The following ATG4A variants were observed in gnomAD, a reference collection of about 807,000 sequenced individuals.
The protein encoded by ATG4A is autophagy related 4A cysteine peptidase.
In ATG4A, 22 loss-of-function variants were observed where a neutral mutation model predicts 38.4. The observed-to-expected ratio is 0.57, with a 90% confidence interval of 0.41 to 0.82. The LOEUF (loss-of-function observed/expected upper bound fraction) is 0.82. Ranked by LOEUF, ATG4A falls within the 40% of genes least tolerant of loss-of-function variation. The pLI is 0.00. For missense variants in ATG4A, 220 were observed against 290.0 expected (o/e 0.76, Z 1.75); for synonymous variants, 86 against 100.7 (o/e 0.85, Z 0.88).
At chrX:108,114,713 G>A (rs890068281) in intron 1 of ATG4A, among the ~76,000 whole-genome samples, 1 of 111,820 alleles carries the variant, frequency 8.9e-6, no homozygotes, top group Non-Finnish European at 1.9e-5. Flanking sequence ...TCCCTAGTTA[G>A]AGGTTAGTTG....
intron 1 of ATG4A, among the ~76,000 whole-genome samples, chrX:108,112,540 C>G (rs2032389333): frequency 9.1e-6 from 1 of 109,894 alleles, no homozygotes. Flanking sequence ...TACAGGCGCC[C>G]GGCACTACGC....
chrX:108,088,880 TG>T, upstream of ATG4A: 1 of 1,072,576 alleles, frequency 9.3e-7, no homozygotes, highest in African/African-American at 2.0e-5. Context: ...GAAACATTCT[TG>T]AAATAGAAGG....
chrX:108,111,013 C>T lies in ATG4A; in HGVS notation c.11-15064C>T, dbSNP rs770549391. 4.5e-5 allele frequency among the ~76,000 whole-genome samples: 5 copies of T among 111,344 alleles called. No homozygotes were observed. In the South Asian group the frequency reaches 1.9e-3, roughly 43 times the overall value. On this transcript the variant is annotated intron_variant, in intron 1 of 12. Coordinates refer to ENST00000372232, the MANE Select transcript of ATG4A (RefSeq NM_052936.5). Reference sequence around the variant, plus strand: ...TACCCTTCCAGGCTCAAGTGATCCTCTCATTTCAGCCTCCCGAGTAGCTTG... The same window carrying T: ...TACCCTTCCAGGCTCAAGTGATCCTTTCATTTCAGCCTCCCGAGTAGCTTG...
At chrX:108,141,151 G>C (rs763307572) in intron 9 of ATG4A, among the ~76,000 whole-genome samples, 30 of 91,943 alleles carry the variant, frequency 3.3e-4, no homozygotes, top group African/African-American at 1.2e-3. Flanking sequence ...GTGTTGGTCT[G>C]TGCTGCTGGC....
intron 9 of ATG4A, chrX:108,143,618 A>C (rs1234716553): frequency 6.4e-6 from 1 of 156,462 alleles, no homozygotes; most frequent in African/African-American, 3.2e-5. Flanking sequence ...AGAGGAGCCC[A>C]AAGTGTCCAG....
intron 1 of ATG4A, among the ~76,000 whole-genome samples, chrX:108,098,851 C>T (rs752317859): frequency 2.6e-3 from 290 of 111,473 alleles, no homozygotes; most frequent in African/African-American, 3.5e-3. Flanking sequence ...AAATATTACA[C>T]GACATGGAGG....
At chrX:108,140,431 A>G (rs945204145) in intron 9 of ATG4A, among the ~76,000 whole-genome samples, 4 of 109,830 alleles carry the variant, frequency 3.6e-5, no homozygotes, top group Non-Finnish European at 7.6e-5. Context: ...TTTGAGGTTG[A>G]GTGGTCCAGA....
Position 108,135,970 on chromosome X carries a change from G to C in ATG4A, c.468-1121G>C, listed in dbSNP as rs149660323. 7.4e-3 allele frequency among the ~76,000 whole-genome samples: 809 copies of C among 109,594 alleles called. 5 individuals are homozygous for C. The highest frequency in any genetic ancestry group is 0.025 in the African/African-American group (744 of 30,052). ...AGCTAATTTTTGTATTTTTAGTAGA[G>C]ATGGAGTTTCACCATGTTAGCCAGG... On this transcript the variant is annotated intron_variant, in intron 6 of 12. Coordinates refer to ENST00000372232, the MANE Select transcript of ATG4A (RefSeq NM_052936.5).
In ATG4A at chrX:108,091,809, C is replaced by T. The variant is rs1434574647; in HGVS notation, c.-18C>T. On this transcript the variant is annotated 5_prime_UTR_variant, in exon 1 of 13. Coordinates refer to ENST00000372232, the MANE Select transcript of ATG4A (RefSeq NM_052936.5). ...AGTCAAGTTGCCGGTGGAATTGGCC[C>T]AGGATGACAGCTGGAGAATGGAGTC... The T allele has an allele frequency of 8.3e-7, 1 of 1,211,566 alleles. No homozygotes were observed. Among genetic ancestry groups the T allele is most frequent in the Non-Finnish European group, 1.1e-6 (1 of 895,405 alleles).
chrX:108,123,092 GA>G (rs1179353027), intron 1 of ATG4A, among the ~76,000 whole-genome samples: 2 of 111,746 alleles, frequency 1.8e-5, no homozygotes, highest in Non-Finnish European at 3.8e-5. Flanking sequence ...GGAATTTAAG[GA>G]AATCTTTGTC....
Position 108,134,057 on chromosome X carries a change from A to G in ATG4A, c.293A>G (p.Asp98Gly), listed in dbSNP as rs1400087845. 1.7e-6 allele frequency: 2 copies of G among 1,189,294 alleles called. No homozygotes were observed. The highest frequency in any genetic ancestry group is 2.3e-6 in the Non-Finnish European group (2 of 886,819). ...QALICRHLGR[D>G]WSWEKQKEQP... ...TAACCCATTTTTTTTTCTTAAAAAG[A>G]CTGGAGCTGGGAGAAACAAAAAGAA... Residue 98 changes from aspartate (D) to glycine (G), a missense_variant and splice_region_variant, in exon 5 of 13, where the codon GAC (aspartate) becomes GGC (glycine). By Grantham distance (94) the Asp-to-Gly change is moderately conservative (BLOSUM62 -1). Around this residue, in one of 3 missense-constraint regions of ATG4A, gnomAD observed 61 missense variants for 83.3 expected, o/e 0.73. Transcript: ENST00000372232.
Position 108,136,925 on chromosome X carries a change from A to G in ATG4A, c.468-166A>G, listed in dbSNP as rs147604878. Among the ~76,000 whole-genome samples the G allele has an allele frequency of 7.4e-4, 83 of 111,938 alleles. 1 individual carries two copies. The East Asian group carries it at 0.022, about 29-fold the overall frequency. On this transcript the variant is annotated intron_variant, in intron 6 of 12. Transcript: ENST00000372232. ...TGTGGCATTCTCAAGGTCTCTAGACATGGAGCATCCCAGAGCTCTGGCAAA... is the reference window on the plus strand; with the variant it reads ...TGTGGCATTCTCAAGGTCTCTAGACGTGGAGCATCCCAGAGCTCTGGCAAA...
At chrX:108,129,886 T>A (rs2032910172) in intron 3 of ATG4A, among the ~76,000 whole-genome samples, 1 of 108,359 alleles carries the variant, frequency 9.2e-6, no homozygotes, top group Admixed American at 9.9e-5. Context: ...TTTTTTTTTT[T>A]TTTATTGCTC....
Position 108,111,305 on chromosome X carries a change from G to A in ATG4A, c.11-14772G>A, listed in dbSNP as rs576317060. On this transcript the variant is annotated intron_variant, in intron 1 of 12. Transcript: ENST00000372232. The stretch of plus-strand genomic sequence containing the variant: ...ATTTCAGGTTACAGAACTATGATTG[G>A]GGTACTTTTCATTGGTCCTACAAAT... Among the ~76,000 whole-genome samples, 14 of 112,298 alleles carry A rather than the reference G, an allele frequency of 1.2e-4. No individual in the cohort carries two copies. The South Asian group carries it at 5.2e-3, about 41-fold the overall frequency.
At chrX:108,108,962 A>G (rs1194963418) in intron 1 of ATG4A, among the ~76,000 whole-genome samples, 1 of 112,248 alleles carries the variant, frequency 8.9e-6, no homozygotes, top group African/African-American at 3.2e-5. Flanking sequence ...TAGTGCTGCT[A>G]TGAGCATGGG....
intron 1 of ATG4A, among the ~76,000 whole-genome samples, chrX:108,101,230 T>G (rs1458066385): frequency 1.8e-5 from 2 of 110,784 alleles, no homozygotes; most frequent in African/African-American, 6.5e-5. Context: ...CTGCAAGGTC[T>G]ATAATAATAT....
At chrX:108,091,492 A>G, upstream of ATG4A, 1 of 1,211,938 alleles carries the variant, frequency 8.3e-7, no homozygotes. Flanking sequence ...CAGGTTGCAG[A>G]CCATTAGGTT....
At chrX:108,153,526 C>G in intron 12 of ATG4A, 116 bp from the exon 13 acceptor site, 1 of 543,506 alleles carries the variant, frequency 1.8e-6, no homozygotes, top group Non-Finnish European at 3.1e-6. Flanking sequence ...CCACACAAGT[C>G]TTTCTTTAGT....
chrX:108,088,914 C>G, upstream of ATG4A: 5 of 854,312 alleles, frequency 5.9e-6, no homozygotes, highest in Non-Finnish European at 5.0e-6. Context: ...AAAAAAAATA[C>G]TGGTGCTGGC....
Sources: allele counts gnomAD v4.1 joint callset (sites outside exome capture counted in the v4.1 genomes callset), GRCh38; gene constraint gnomAD v4.1.1; regional missense constraint gnomAD v4.1.1; transcripts MANE v1.5; gene names NCBI Gene and HGNC (gene_info 2026-07-23, HGNC 2026-07-21).